Variants in BOK observed in about 807,000 individuals in gnomAD.
The protein encoded by BOK is BCL2 family apoptosis regulator BOK.
A neutral mutation model predicts 18.3 loss-of-function variants in BOK; 20 were observed. That is an observed-to-expected ratio of 1.09 (90% CI 0.77 to 1.59). BOK has a LOEUF of 1.59. BOK is among the 40% of genes most tolerant of loss of function. The probability of loss-of-function intolerance (pLI) is 0.00; values close to 1 mark genes in which losing one functional copy is unlikely to be tolerated. For missense variants in BOK, 348 were observed against 307.9 expected (o/e 1.13, Z -0.97); for synonymous variants, 173 against 142.4 (o/e 1.21, Z -1.53).
In BOK at chr2:241,570,223, G is replaced by C. The variant is rs148128971; in HGVS notation, c.448G>C (p.Val150Leu). 2 of 1,602,164 alleles carry C rather than the reference G, an allele frequency of 1.2e-6. No homozygotes were observed. Among genetic ancestry groups the C allele is most frequent in the South Asian group, 1.1e-5 (1 of 89,684 alleles). ...CCAGCCTGCCATGGTCCACGCCCTC[G>C]TGGACTGCCTGGGGGAGTTCGTGCG... is the stretch of plus-strand genomic sequence containing the variant. ...QAQPAMVHAL[V>L]DCLGEFVRKT... The change falls in exon 4 of 5, where the codon GTG becomes CTG. Residue 150 changes from valine to leucine, a missense_variant. Coordinates refer to ENST00000318407, the MANE Select transcript of BOK (RefSeq NM_032515.5).
chr2:241,568,675 T>C (rs977912556), intron 3 of BOK, among the ~76,000 whole-genome samples: 1 of 151,492 alleles, frequency 6.6e-6, no homozygotes, highest in Non-Finnish European at 1.5e-5. Context: ...ACCTCGGCCT[T>C]CCAAGGTGCT....
chr2:241,555,445 G>A (rs1043490159), upstream of BOK, among the ~76,000 whole-genome samples: 1 of 151,008 alleles, frequency 6.6e-6, no homozygotes, highest in African/African-American at 2.4e-5. Flanking sequence ...GCATGAGCTC[G>A]GCTCACCGCA....
chr2:241,557,456 C>T (rs899364554), upstream of BOK, among the ~76,000 whole-genome samples: 1 of 151,898 alleles, frequency 6.6e-6, no homozygotes. Context: ...ATTACAGACA[C>T]CTGCCACCAC....
At position 241,562,393 on chromosome 2, in the gene BOK, C is replaced by T. The variant is rs201382143; in HGVS notation, c.266C>T (p.Ala89Val). 2.0e-5 allele frequency: 32 copies of T among 1,611,728 alleles called. No individual in the cohort carries two copies. The highest frequency in any genetic ancestry group is 4.5e-5 in the East Asian group (2 of 44,882). ...CGGCCCAGCGTCTACCGCAACGTGG[C>T]GCGTCAGCTGCACATCTCCCTGCAG... ...MIRPSVYRNV[A>V]RQLHISLQSE... The change falls in exon 3 of 5, where the codon GCG becomes GTG. Residue 89 changes from alanine to valine, a missense_variant. Coordinates refer to ENST00000318407, the MANE Select transcript of BOK (RefSeq NM_032515.5). This position sits in a 1 kb window ranked among gnomAD's most constrained non-coding sequence, Gnocchi z 4.5.
intron 3 of BOK, among the ~76,000 whole-genome samples, chr2:241,568,978 C>T (rs546107052): frequency 1.9e-4 from 29 of 150,622 alleles, no homozygotes; most frequent in South Asian, 6.2e-4. Context: ...TGACTCCCTC[C>T]GGGGACCGCT....
At chr2:241,567,227 A>G (rs1269898804) in intron 3 of BOK, among the ~76,000 whole-genome samples, 1 of 131,482 alleles carries the variant, frequency 7.6e-6, no homozygotes, top group Non-Finnish European at 1.6e-5. Context: ...CCCGGGTTCA[A>G]GCGATTCTCC....
Position 241,562,069 on chromosome 2 carries a change from G to A in BOK, c.221-279G>A, listed in dbSNP as rs553867167. Among the ~76,000 whole-genome samples the A allele has an allele frequency of 3.3e-5, 5 of 152,374 alleles. No individual in the cohort carries two copies. Among genetic ancestry groups the A allele is most frequent in the Admixed American group, 6.5e-5 (1 of 15,314 alleles). ...GCTCTCGCAGGATTCCCGCCCCACCGGCTTGGCCGGCTAGGCTTAGGGGCT... is the reference window on the plus strand; with the variant it reads ...GCTCTCGCAGGATTCCCGCCCCACCAGCTTGGCCGGCTAGGCTTAGGGGCT... On this transcript the variant is annotated intron_variant, in intron 2 of 4. Coordinates refer to ENST00000318407, the MANE Select transcript of BOK (RefSeq NM_032515.5). This position sits in a 1 kb window ranked among gnomAD's most constrained non-coding sequence, Gnocchi z 4.5.
chr2:241,567,229 C>T lies in BOK; in HGVS notation c.350-2896C>T, dbSNP rs547442866. Among the ~76,000 whole-genome samples the T allele has an allele frequency of 6.1e-5, 8 of 131,872 alleles. 2 individuals carry two copies. The highest frequency in any genetic ancestry group is 1.1e-4 in the Non-Finnish European group (7 of 62,264). 86.5% of individuals were successfully genotyped at this position (131,872 alleles called of 152,430 possible). On this transcript the variant is annotated intron_variant, in intron 3 of 4. Transcript: ENST00000318407. The stretch of plus-strand genomic sequence containing the variant: ...GCAACCTCCGCCACCCGGGTTCAAG[C>T]GATTCTCCTGCTTCACCCTCCTGAG...
At chr2:241,559,285 G>A (rs1336909708) in intron 1 of BOK, among the ~76,000 whole-genome samples, 170 bp from the exon 2 acceptor site, 3 of 151,790 alleles carry the variant, frequency 2.0e-5, no homozygotes, top group Non-Finnish European at 2.9e-5. Context: ...AGCTGAATTC[G>A]GGCTCTGAAA....
At chr2:241,561,335 G>A (rs1386544649) in intron 2 of BOK, among the ~76,000 whole-genome samples, 3 of 152,242 alleles carry the variant, frequency 2.0e-5, no homozygotes, top group Admixed American at 6.5e-5. Flanking sequence ...GGCCATCCTC[G>A]GCTGCCAGGG....
At chr2:241,571,501 G>A (rs1437787871) in intron 4 of BOK, among the ~76,000 whole-genome samples, 1 of 152,172 alleles carries the variant, frequency 6.6e-6, no homozygotes, top group Admixed American at 6.5e-5. Flanking sequence ...CGGGGGCTGT[G>A]GTCTCCTCTG....
intron 3 of BOK, among the ~76,000 whole-genome samples, chr2:241,564,017 C>T (rs2066572862): frequency 6.6e-6 from 1 of 152,202 alleles, no homozygotes; most frequent in African/African-American, 2.4e-5. Context: ...ACACCCTCGG[C>T]TGGAGGCCAA....
chr2:241,563,922 C>T (rs760559433), intron 3 of BOK, among the ~76,000 whole-genome samples: 2 of 152,216 alleles, frequency 1.3e-5, no homozygotes, highest in African/African-American at 4.8e-5. Flanking sequence ...GCAGACCCCA[C>T]CTTTGTGGGG....
Position 241,562,606 on chromosome 2 carries a change from A to T in BOK, c.349+130A>T. On this transcript the variant is annotated intron_variant, in intron 3 of 4. Transcript: ENST00000318407. The surrounding 1 kb of genome is among the most constrained non-coding windows in gnomAD (Gnocchi z 4.5). Reference sequence around the variant, plus strand: ...GCCCAGTGCCCACCGGTGCCATCTCACTGCTGCAGGTGTCAGGAGCTGCCC... The same window carrying T: ...GCCCAGTGCCCACCGGTGCCATCTCTCTGCTGCAGGTGTCAGGAGCTGCCC... 3 of 1,242,422 alleles carry T rather than the reference A, an allele frequency of 2.4e-6. No individual in the cohort carries two copies. The highest frequency in any genetic ancestry group is 3.2e-6 in the Non-Finnish European group (3 of 931,654). The allele number at this position is 1,242,422 out of a possible 1,614,324, so 77.0% of individuals were successfully genotyped here. A position where few individuals can be genotyped will look rare whatever the true frequency, so the allele number is the denominator to read the frequency against.
intron 4 of BOK, among the ~76,000 whole-genome samples, chr2:241,571,259 A>G (rs2066714002): frequency 6.8e-6 from 1 of 147,754 alleles, no homozygotes; most frequent in African/African-American, 2.4e-5. Context: ...TGTCAGAGCC[A>G]AACCCTTCCT....
chr2:241,559,503 C>A lies in BOK; in HGVS notation c.20C>A (p.Ser7Tyr), dbSNP rs911108077. Reference protein sequence around the residue: MEVLRRSSVFAAEIMDA... With the variant: MEVLRRYSVFAAEIMDA... ...GCCGCCATGGAGGTGCTGCGGCGCT[C>A]CTCGGTCTTCGCCGCCGAGATCATG... The change falls in exon 2 of 5, where the codon TCC becomes TAC. Residue 7 changes from serine to tyrosine, a missense_variant. Physicochemically the swap from Ser to Tyr is moderately radical, Grantham distance 144. Transcript: ENST00000318407. 1 of 1,487,332 alleles carries A rather than the reference C, an allele frequency of 6.7e-7. No individual in the cohort carries two copies. Among genetic ancestry groups the A allele is most frequent in the South Asian group, 1.3e-5 (1 of 78,398 alleles). 92.1% of individuals were successfully genotyped at this position (1,487,332 alleles called of 1,614,324 possible). A position where few individuals can be genotyped will look rare whatever the true frequency, so the allele number is the denominator to read the frequency against.
chr2:241,557,123 G>C (rs552585633), upstream of BOK, among the ~76,000 whole-genome samples: 1 of 151,700 alleles, frequency 6.6e-6, no homozygotes, highest in South Asian at 2.1e-4. Flanking sequence ...ATCTTTCTGG[G>C]GATTTATCAG....
In BOK at chr2:241,559,662, C is replaced by T. The variant is rs1315144930; in HGVS notation, c.179C>T (p.Pro60Leu). 2 of 1,382,424 alleles carry T rather than the reference C, an allele frequency of 1.4e-6. No homozygotes were observed. Among genetic ancestry groups the T allele is most frequent in the Admixed American group, 3.6e-5 (1 of 27,408 alleles). 85.6% of individuals were successfully genotyped at this position (1,382,424 alleles called of 1,614,324 possible). Residue 60 changes from proline to leucine, a missense_variant, in exon 2 of 5, where the codon CCG (proline) becomes CTG (leucine). By Grantham distance (98) the Pro-to-Leu change is moderately conservative. Transcript: ENST00000318407. ...GCGCCCGAGCGTGCCGCGCCGGTCC[C>T]GGGACGCCTGGCTGAGGTGTGCGCG... ...WSAPERAAPV[P>L]GRLAEVCAVL...
At chr2:241,563,866 C>T (rs1320823773) in intron 3 of BOK, among the ~76,000 whole-genome samples, 1 of 152,228 alleles carries the variant, frequency 6.6e-6, no homozygotes. Flanking sequence ...CACCGGAGGG[C>T]AAGGGGAAGA....
Sources: gnomAD v4.1 joint callset for allele counts (sites outside exome capture counted in the v4.1 genomes callset) on GRCh38, gnomAD v4.1.1 for gene constraint, Gnocchi (gnomAD v3.1) non-coding constraint, MANE v1.5 for transcripts, NCBI Gene and HGNC (gene_info 2026-07-23, HGNC 2026-07-21) for gene names.